TOGARAM2: variants seen among roughly 807,000 people sequenced by gnomAD.
The protein encoded by TOGARAM2 is TOG array regulator of axonemal microtubules protein 2.
A neutral mutation model predicts 93.3 loss-of-function variants in TOGARAM2; 85 were observed. The ratio of observed to expected loss-of-function variants is 0.91; its 90% CI spans 0.76 to 1.09. The LOEUF (loss-of-function observed/expected upper bound fraction) is 1.09. Among genes scored for constraint, TOGARAM2 ranks in the 50% least tolerant of loss-of-function variants. TOGARAM2 has a pLI of 0.00. For synonymous variants in TOGARAM2, 593 were observed against 552.8 expected (o/e 1.07, Z -1.02); for missense variants, 1,277 against 1,334.5 (o/e 0.96, Z 0.67).
rs1444507691 is a variant in TOGARAM2, at chr2:28,966,026, A to T, written c.-147+9329A>T. Among the ~76,000 whole-genome samples, 11 of 144,236 alleles carry T rather than the reference A, an allele frequency of 7.6e-5. 1 individual carries two copies. The highest frequency in any genetic ancestry group is 6.2e-4 in the Admixed American group (9 of 14,476). The allele number at this position is 144,236 out of a possible 152,430, so 94.6% of individuals were successfully genotyped here. ...CAGAAACAGAGGGCTCACTTAGCTT[A>T]TTTTTTTTTTTTTGAGACAGAGTCT... On this transcript the variant is annotated intron_variant, in intron 1 of 6. Transcript: ENST00000401723.
intron 18 of TOGARAM2, among the ~76,000 whole-genome samples, chr2:29,042,927 A>C (rs1222436577): frequency 1.3e-5 from 2 of 152,228 alleles, no homozygotes; most frequent in African/African-American, 4.8e-5. Flanking sequence ...TCTGTGCTCT[A>C]AACTTGCTGA....
chr2:28,967,629 G>T (rs1572616769), intron 1 of TOGARAM2, among the ~76,000 whole-genome samples: 1 of 152,024 alleles, frequency 6.6e-6, no homozygotes, highest in Non-Finnish European at 1.5e-5. Context: ...TTCCTATAAA[G>T]AAATTAAGTA....
chr2:28,970,012 C>T (rs1019369255), intron 1 of TOGARAM2, among the ~76,000 whole-genome samples: 2 of 152,092 alleles, frequency 1.3e-5, no homozygotes, highest in Non-Finnish European at 2.9e-5. Flanking sequence ...GGGGTTTCAC[C>T]ATGTTGGTCA....
At chr2:28,994,963 G>A (rs1407056386) in intron 2 of TOGARAM2, 101 bp downstream of exon 2, 1 of 1,409,590 alleles carries the variant, frequency 7.1e-7, no homozygotes, top group Non-Finnish European at 9.8e-7. Flanking sequence ...TGGGGATAAA[G>A]GGCTGCTGGG....
At chr2:29,021,210 G>A (rs960042561) in intron 10 of TOGARAM2, among the ~76,000 whole-genome samples, 5 of 152,174 alleles carry the variant, frequency 3.3e-5, no homozygotes, top group Middle Eastern at 3.2e-3. Flanking sequence ...CACTGTGCCC[G>A]GCTGTGCGTC....
At chr2:29,009,967 G>T (rs1400761951) in intron 6 of TOGARAM2, among the ~76,000 whole-genome samples, 15 of 151,912 alleles carry the variant, frequency 9.9e-5, no homozygotes, top group African/African-American at 2.9e-4. Context: ...GCTTCCCCAG[G>T]GTCCACAGCT....
At chr2:28,962,868 A>G (rs1671820003) in intron 1 of TOGARAM2, among the ~76,000 whole-genome samples, 1 of 146,228 alleles carries the variant, frequency 6.8e-6, no homozygotes, top group Non-Finnish European at 1.5e-5. Flanking sequence ...CTCTGTCTCC[A>G]GGGTCTCACT....
chr2:29,030,219 T>C (rs1341241666), intron 14 of TOGARAM2, among the ~76,000 whole-genome samples: 1 of 152,136 alleles, frequency 6.6e-6, no homozygotes, highest in Non-Finnish European at 1.5e-5. Flanking sequence ...CTGGTTGCGG[T>C]GAGCTGAAAT....
rs1664250029 is a variant in TOGARAM2, at chr2:29,011,566, G to A, written c.877+65G>A. 5 of 1,494,390 alleles carry A rather than the reference G, an allele frequency of 3.3e-6. No individual in the cohort carries two copies. In the African/African-American group the frequency reaches 7.2e-5, roughly 21 times the overall value. 92.6% of individuals were successfully genotyped at this position (1,494,390 alleles called of 1,614,324 possible). On this transcript the variant is annotated intron_variant, in intron 7 of 19. Transcript: ENST00000379558. ...TCTCTACATTCCTGGGCTGGGTCAG[G>A]GAAACAGAATTAGGGCCAGAGGAGA... is the stretch of plus-strand genomic sequence containing the variant.
intron 6 of TOGARAM2, 45 bp downstream of exon 6, chr2:29,003,727 T>C (rs1673456121): frequency 3.5e-6 from 5 of 1,421,210 alleles, no homozygotes; most frequent in African/African-American, 1.5e-5. Flanking sequence ...TCTCTCCCTC[T>C]GTCCCCCTGA....
intron 6 of TOGARAM2, among the ~76,000 whole-genome samples, chr2:29,010,059 G>A (rs1195839060): frequency 1.3e-5 from 2 of 151,522 alleles, no homozygotes; most frequent in Admixed American, 6.6e-5. Context: ...GTGTGTGTTG[G>A]GGGGGCGCAG....
chr2:29,036,662 C>G lies in TOGARAM2; in HGVS notation c.2540C>G (p.Ser847Cys). 1 of 1,614,012 alleles carries G rather than the reference C, an allele frequency of 6.2e-7. No individual in the cohort carries two copies. The highest frequency in any genetic ancestry group is 8.5e-7 in the Non-Finnish European group (1 of 1,179,894). ...GAGAGCTTACACCCCATGCTGCTCT[C>G]CATCATCATCACTGTTGCAGACAAC... ...LRESLHPMLL[S>C]IIITVADNLN... The change falls in exon 18 of 20, where the codon TCC becomes TGC. Residue 847 changes from serine to cysteine, a missense_variant. Transcript: ENST00000379558.
At chr2:29,036,505 G>A (rs894874207) in intron 17 of TOGARAM2, 36 bp from the exon 18 acceptor site, 1 of 1,610,392 alleles carries the variant, frequency 6.2e-7, no homozygotes, top group South Asian at 1.1e-5. Flanking sequence ...CCCAGCCTGG[G>A]TTCCCATGGG....
In TOGARAM2 at chr2:29,022,310, T is replaced by C. The variant is rs754923763; in HGVS notation, c.1511+2T>C. ...CCAGTGCCTCAACAGCAGTGACTGG[T>C]GAGGAGATGCTTCCACCACGTGCTG... On this transcript the variant is annotated splice_donor_variant, in intron 11 of 19. Transcript: ENST00000379558. LOFTEE classifies it high-confidence loss of function. 29 of 1,613,540 alleles carry C rather than the reference T, an allele frequency of 1.8e-5. No homozygotes were observed. The highest frequency in any genetic ancestry group is 1.2e-4 in the Admixed American group (7 of 59,990).
Position 28,966,357 on chromosome 2 carries a change from G to A in TOGARAM2, c.-147+9660G>A, listed in dbSNP as rs188141763. Among the ~76,000 whole-genome samples, 331 of 152,176 alleles carry A rather than the reference G, an allele frequency of 2.2e-3. 3 individuals are homozygous for A. Among genetic ancestry groups the A allele is most frequent in the Middle Eastern group, 0.01 (3 of 294 alleles). ...TCTGTCACCAGGCTGGAGTTCAGTG[G>A]TGTGATCTCAGCTCACTGCAATCTC... On this transcript the variant is annotated intron_variant, in intron 1 of 6. Coordinates refer to the TOGARAM2 transcript ENST00000401723.
upstream of TOGARAM2, among the ~76,000 whole-genome samples, chr2:28,976,820 T>C (rs957130582): frequency 6.6e-6 from 1 of 152,098 alleles, no homozygotes; most frequent in Non-Finnish European, 1.5e-5. Flanking sequence ...CAGGTGCTGG[T>C]TGGGAGGGGC....
chr2:29,008,519 C>T lies in TOGARAM2; in HGVS notation c.831-2936C>T, dbSNP rs964325736. ...TTACCCAGGCTGGAGTGCAGTGGCA[C>T]GATCTCTGCTTATTGTAACCTCTGC... On this transcript the variant is annotated intron_variant, in intron 6 of 19. Coordinates refer to ENST00000379558, the MANE Select transcript of TOGARAM2 (RefSeq NM_199280.4). Among the ~76,000 whole-genome samples, 15 of 152,238 alleles carry T rather than the reference C, an allele frequency of 9.9e-5. No individual in the cohort carries two copies. In the South Asian group the frequency reaches 3.1e-3, roughly 32 times the overall value.
At chr2:29,012,743 C>G (rs1664328958) in intron 7 of TOGARAM2, among the ~76,000 whole-genome samples, 1 of 152,230 alleles carries the variant, frequency 6.6e-6, no homozygotes, top group African/African-American at 2.4e-5. Context: ...CTGACACTGC[C>G]CTCTGTGTGC....
At chr2:29,046,597 T>A (rs1666761044) in intron 19 of TOGARAM2, 1 of 152,398 alleles carries the variant, frequency 6.6e-6, no homozygotes. Flanking sequence ...TGTGCCGCCT[T>A]CCTCCCACCC....
Sources: gnomAD v4.1 joint callset for allele counts (sites outside exome capture counted in the v4.1 genomes callset) on GRCh38, gnomAD v4.1.1 for gene constraint, MANE v1.5 for transcripts, NCBI Gene and HGNC (gene_info 2026-07-23, HGNC 2026-07-21) for gene names.